SPINK13: variants seen among roughly 807,000 people sequenced by gnomAD.
SPINK13 encodes serine peptidase inhibitor Kazal type 13.
A neutral mutation model predicts 11.0 loss-of-function variants in SPINK13; 11 were observed. The observed-to-expected ratio is 1.00, with a 90% CI of 0.63 to 1.65. SPINK13 has a LOEUF of 1.65. Among genes scored for constraint, SPINK13 ranks in the 40% most tolerant of loss-of-function variants. The pLI, the probability that SPINK13 is intolerant of heterozygous loss-of-function variation, is 0.00. For missense variants in SPINK13, 113 were observed against 117.7 expected, an observed-to-expected ratio of 0.96 and a Z score of 0.19; for synonymous variants, 31 against 35.6, an observed-to-expected ratio of 0.87 and a Z score of 0.46.
chr5:148,277,660 C>T (rs754406080), intron 3 of SPINK13, among the ~76,000 whole-genome samples: 2 of 152,194 alleles, frequency 1.3e-5, no homozygotes, highest in Non-Finnish European at 2.9e-5. Flanking sequence ...TTTGTATGTG[C>T]TGCTGGATTC....
At chr5:148,271,536 C>G (rs1383812563) in intron 2 of SPINK13, among the ~76,000 whole-genome samples, 1 of 152,050 alleles carries the variant, frequency 6.6e-6, no homozygotes, top group African/African-American at 2.4e-5. Context: ...TTCTCATGCT[C>G]TTATTTTTAA....
intron 3 of SPINK13, among the ~76,000 whole-genome samples, chr5:148,280,588 C>T (rs1207908837): frequency 6.6e-6 from 1 of 152,154 alleles, no homozygotes; most frequent in East Asian, 1.9e-4. Context: ...CACTCCAGCC[C>T]CTGTCTGGTT....
At chr5:148,279,430 C>T (rs1050215778) in intron 3 of SPINK13, among the ~76,000 whole-genome samples, 7 of 151,936 alleles carry the variant, frequency 4.6e-5, no homozygotes, top group Non-Finnish European at 7.4e-5. Context: ...TTTTTCCTTC[C>T]CATGTTTAGT....
chr5:148,280,229 A>G (rs1019543949), intron 3 of SPINK13, among the ~76,000 whole-genome samples: 1 of 152,132 alleles, frequency 6.6e-6, no homozygotes, highest in Non-Finnish European at 1.5e-5. Context: ...GGGTTAGAAC[A>G]TGCTCCTTTG....
chr5:148,280,931 T>C (rs564524209), intron 3 of SPINK13, among the ~76,000 whole-genome samples: 1 of 152,250 alleles, frequency 6.6e-6, no homozygotes, highest in South Asian at 2.1e-4. Context: ...GGAAGTTTTA[T>C]CTATAAGCCC....
At chr5:148,280,885 C>T (rs190606716) in intron 3 of SPINK13, among the ~76,000 whole-genome samples, 6 of 152,332 alleles carry the variant, frequency 3.9e-5, no homozygotes, top group Admixed American at 2.0e-4. Context: ...GCACCCACAG[C>T]TGCCCCTTCC....
At chr5:148,269,890 C>A (rs1272358053) in intron 1 of SPINK13, 150 bp from the exon 2 acceptor site, 7 of 454,270 alleles carry the variant, frequency 1.5e-5, no homozygotes, top group Non-Finnish European at 1.5e-5. Context: ...AGCAAAAGGG[C>A]TCTCTCAGGC....
In SPINK13 at chr5:148,276,874, C is replaced by T. The variant is rs139969319; in HGVS notation, c.108+2490C>T. ...CTATAAATTACTTTGGGCAGTATCG[C>T]CATTTTCACAATATTGATTCTTCCT... On this transcript the variant is annotated intron_variant, in intron 3 of 4. Transcript: ENST00000398450. 4.8e-3 allele frequency among the ~76,000 whole-genome samples: 735 copies of T among 152,206 alleles called. 5 individuals are homozygous for T. Among genetic ancestry groups the T allele is most frequent in the African/African-American group, 0.016 (684 of 41,512 alleles).
chr5:148,278,512 T>G (rs1313004974), intron 3 of SPINK13, among the ~76,000 whole-genome samples: 2 of 152,216 alleles, frequency 1.3e-5, no homozygotes, highest in Admixed American at 1.3e-4. Flanking sequence ...TATTTTTGCC[T>G]TAATTTTGTT....
intron 2 of SPINK13, among the ~76,000 whole-genome samples, chr5:148,272,139 T>C (rs1257667825): frequency 1.3e-5 from 2 of 152,214 alleles, no homozygotes; most frequent in Non-Finnish European, 2.9e-5. Context: ...TTTGGTTTGC[T>C]TACAAATTTA....
chr5:148,278,147 A>G (rs1346038020), intron 3 of SPINK13, among the ~76,000 whole-genome samples: 4 of 151,880 alleles, frequency 2.6e-5, no homozygotes, highest in African/African-American at 9.7e-5. Context: ...TATTGTGTCT[A>G]TTTGATTCTT....
intron 3 of SPINK13, among the ~76,000 whole-genome samples, chr5:148,275,229 AT>A (rs2113366617): frequency 6.6e-6 from 1 of 152,180 alleles, no homozygotes; most frequent in African/African-American, 2.4e-5. Context: ...GTGAGAACAT[AT>A]GGTGTTTGGT....
chr5:148,279,091 CTTTTTTTT>C (rs746029113), intron 3 of SPINK13, among the ~76,000 whole-genome samples: 2 of 51,656 alleles, frequency 3.9e-5, no homozygotes, highest in African/African-American at 1.6e-4. Flanking sequence ...GCAACCCCTG[CTTTTTTTT>C]TTTTTTTTTT....
intron 2 of SPINK13, among the ~76,000 whole-genome samples, chr5:148,272,991 C>G (rs73795069): frequency 6.6e-6 from 1 of 152,106 alleles, no homozygotes; most frequent in African/African-American, 2.4e-5. Flanking sequence ...CCAGGAACCT[C>G]TTTCTCAACA....
At chr5:148,277,531 T>C (rs1388951117) in intron 3 of SPINK13, among the ~76,000 whole-genome samples, 1 of 152,234 alleles carries the variant, frequency 6.6e-6, no homozygotes, top group Non-Finnish European at 1.5e-5. Flanking sequence ...CCTATTGAGA[T>C]AATCAAGTGC....
Position 148,286,153 on chromosome 5 carries a change from A to T in SPINK13, c.*105A>T. 1 of 654,098 alleles carries T rather than the reference A, an allele frequency of 1.5e-6. No homozygotes were observed. Among genetic ancestry groups the T allele is most frequent in the Non-Finnish European group, 2.4e-6 (1 of 424,786 alleles). The allele number at this position is 654,098 out of a possible 1,614,324, so 40.5% of individuals were successfully genotyped here. On this transcript the variant is annotated 3_prime_UTR_variant, in exon 5 of 5. Transcript: ENST00000398450. ...AAATTAAATAACATCCCTATGCTGT[A>T]CTTAAATGTCGAACAAAATGAGAGA...
intron 2 of SPINK13, among the ~76,000 whole-genome samples, chr5:148,272,356 T>G (rs1581163974): frequency 6.6e-6 from 1 of 152,146 alleles, no homozygotes; most frequent in African/African-American, 2.4e-5. Flanking sequence ...ATTAGAAAAT[T>G]AAAATTTAAA....
At chr5:148,276,924 G>A (rs948651033) in intron 3 of SPINK13, among the ~76,000 whole-genome samples, 1 of 152,018 alleles carries the variant, frequency 6.6e-6, no homozygotes, top group Non-Finnish European at 1.5e-5. Flanking sequence ...GATGTTTTTC[G>A]ATTTGTTTGT....
intron 3 of SPINK13, 69 bp from the exon 4 acceptor site, chr5:148,282,035 G>C (rs1475347671): frequency 6.3e-7 from 1 of 1,586,896 alleles, no homozygotes; most frequent in East Asian, 2.2e-5. Flanking sequence ...AAGTGGGGCA[G>C]AAGTGACAGG....
Sources: allele counts gnomAD v4.1 joint callset (sites outside exome capture counted in the v4.1 genomes callset), GRCh38; gene constraint gnomAD v4.1.1; transcripts MANE v1.5; gene names NCBI Gene and HGNC (gene_info 2026-07-23, HGNC 2026-07-21).